The following PPA2 variants were observed in gnomAD, a reference collection of about 807,000 sequenced individuals.
The protein encoded by PPA2 is inorganic pyrophosphatase 2, also known as inorganic pyrophosphatase 2, mitochondrial.
PPA2 carries 48 observed loss-of-function variants against 49.5 expected under a neutral mutation model. The ratio of observed to expected loss-of-function variants is 0.97; its 90% CI spans 0.77 to 1.23. The LOEUF is 1.23. Ranked by LOEUF, PPA2 falls within the 50% of genes most tolerant of loss-of-function variation. The probability of loss-of-function intolerance (pLI) is 0.00; values close to 1 mark genes in which losing one functional copy is unlikely to be tolerated. For synonymous variants in PPA2, 131 were observed against 139.9 expected (o/e 0.94, Z 0.45); for missense variants, 429 against 410.1 (o/e 1.05, Z -0.40).
intron 8 of PPA2, among the ~76,000 whole-genome samples, chr4:105,397,179 A>G (rs992889939): frequency 4.6e-5 from 7 of 152,152 alleles, no homozygotes. Context: ...TTCTTCTTCA[A>G]TGATAACTAA....
intron 7 of PPA2, among the ~76,000 whole-genome samples, chr4:105,419,333 G>T (rs1723150572): frequency 6.6e-6 from 1 of 152,106 alleles, no homozygotes; most frequent in Non-Finnish European, 1.5e-5. Flanking sequence ...ACAGGCCCCG[G>T]TGTGTGATGT....
At chr4:105,468,670 T>C (rs1469548238) in intron 1 of PPA2, among the ~76,000 whole-genome samples, 1 of 152,182 alleles carries the variant, frequency 6.6e-6, no homozygotes, top group Non-Finnish European at 1.5e-5. Flanking sequence ...GGTAGGAGGC[T>C]GGCTGTTATG....
At chr4:105,437,045 G>GA (rs924839793) in intron 6 of PPA2, among the ~76,000 whole-genome samples, 2 of 151,976 alleles carry the variant, frequency 1.3e-5, no homozygotes, top group African/African-American at 4.8e-5. Flanking sequence ...CAGAATGGGA[G>GA]AAAAAATCTG....
chr4:105,468,961 C>T (rs775124967), intron 1 of PPA2, among the ~76,000 whole-genome samples: 7 of 152,208 alleles, frequency 4.6e-5, no homozygotes, highest in Admixed American at 6.5e-5. Context: ...CCCTAAACTA[C>T]GTCCCCTGAA....
At chr4:105,414,078 A>G (rs947574881) in intron 7 of PPA2, among the ~76,000 whole-genome samples, 34 of 152,142 alleles carry the variant, frequency 2.2e-4, no homozygotes, top group African/African-American at 7.0e-4. Context: ...CAAATAAGCC[A>G]ATAGAAATAC....
chr4:105,380,758 C>A (rs998998523), intron 10 of PPA2, among the ~76,000 whole-genome samples: 3 of 151,980 alleles, frequency 2.0e-5, no homozygotes, highest in Admixed American at 2.0e-4. Flanking sequence ...AAAAATATGT[C>A]TATTGCTTTT....
intron 10 of PPA2, among the ~76,000 whole-genome samples, chr4:105,373,153 TA>T (rs1170314756): frequency 6.6e-6 from 1 of 152,210 alleles, no homozygotes; most frequent in African/African-American, 2.4e-5. Context: ...TTACAATTTT[TA>T]AAAACATCCT....
chr4:105,467,986 C>T (rs1444014112), intron 1 of PPA2, among the ~76,000 whole-genome samples: 5 of 152,146 alleles, frequency 3.3e-5, no homozygotes, highest in Non-Finnish European at 7.3e-5. Flanking sequence ...TCATAAACAG[C>T]GTCTAACACT....
intron 7 of PPA2, among the ~76,000 whole-genome samples, chr4:105,400,514 T>C (rs1050855578): frequency 4.6e-5 from 7 of 152,136 alleles, no homozygotes; most frequent in Non-Finnish European, 1.0e-4. Flanking sequence ...TTGCCTATAG[T>C]CCAAGCTACT....
At chr4:105,460,490 A>G (rs1250579770) in intron 1 of PPA2, among the ~76,000 whole-genome samples, 2 of 152,242 alleles carry the variant, frequency 1.3e-5, no homozygotes, top group Non-Finnish European at 2.9e-5. Context: ...TAATGTATAA[A>G]TGGAAGCTCT....
chr4:105,438,005 C>A lies in PPA2; in HGVS notation c.473G>T (p.Ser158Ile). The change falls in exon 6 of 12, where the codon AGC becomes ATC. Residue 158 changes from serine (S) to isoleucine (I), a missense_variant. Physicochemically the swap from Ser to Ile is moderately radical, Grantham distance 142 (BLOSUM62 -2). Transcript: ENST00000341695. ...ATCATTATCTCCAAAGCAGTTCGTG[C>A]TCTTATCTTTTTCATGGGGATCTTC... ...TWEDPHEKDK[S>I]TNCFGDNDPI... The A allele has an allele frequency of 6.2e-7, 1 of 1,606,490 alleles. No homozygotes were observed. The highest frequency in any genetic ancestry group is 1.1e-5 in the South Asian group (1 of 88,830).
In PPA2 at chr4:105,392,498, C is replaced by A. The variant is rs180935736; in HGVS notation, c.869+3751G>T. On this transcript the variant is annotated intron_variant, in intron 9 of 11. Coordinates refer to ENST00000341695, the MANE Select transcript of PPA2 (RefSeq NM_176869.3). ...GACCAGCCTGGCCAACATGGTGAAA[C>A]CTCGTCTCTACTAAAAATACAAAAA... 1.9e-4 allele frequency among the ~76,000 whole-genome samples: 29 copies of A among 152,006 alleles called. No homozygotes were observed. The East Asian group carries it at 5.6e-3, about 29-fold the overall frequency.
At chr4:105,384,606 A>T (rs1490606) in intron 10 of PPA2, among the ~76,000 whole-genome samples, 89,082 of 152,056 alleles carry the variant, frequency 0.59, 26,282 homozygotes, top group East Asian at 0.68. Context: ...AAAGTTTTTG[A>T]TTTCCTTCAT....
intron 7 of PPA2, among the ~76,000 whole-genome samples, chr4:105,400,994 A>G (rs1368737260): frequency 6.6e-6 from 1 of 152,018 alleles, no homozygotes. Context: ...ACAAAACAAA[A>G]AAATTACAGT....
chr4:105,408,156 A>G (rs1480501390), intron 7 of PPA2, among the ~76,000 whole-genome samples: 2 of 152,084 alleles, frequency 1.3e-5, no homozygotes, highest in South Asian at 2.1e-4. Flanking sequence ...GGGAGTGAAA[A>G]AAGTGGCAAT....
intron 2 of PPA2, among the ~76,000 whole-genome samples, chr4:105,455,813 C>G (rs549764101): frequency 6.6e-6 from 1 of 152,294 alleles, no homozygotes; most frequent in South Asian, 2.1e-4. Context: ...GCCTCTGCCC[C>G]TATATTGATC....
chr4:105,433,850 G>T (rs759705155), intron 6 of PPA2, among the ~76,000 whole-genome samples: 9 of 152,184 alleles, frequency 5.9e-5, no homozygotes, highest in Admixed American at 2.0e-4. Flanking sequence ...TAAAGATATG[G>T]ATGATATTTG....
At chr4:105,472,825 T>C (rs1249859786) in intron 1 of PPA2, among the ~76,000 whole-genome samples, 1 of 152,206 alleles carries the variant, frequency 6.6e-6, no homozygotes, top group Admixed American at 6.5e-5. Flanking sequence ...CTATAATGAT[T>C]ATCGGTATTA....
At chr4:105,402,557 G>C (rs1483658596) in intron 7 of PPA2, among the ~76,000 whole-genome samples, 1 of 152,152 alleles carries the variant, frequency 6.6e-6, no homozygotes, top group African/African-American at 2.4e-5. Context: ...AAGTCCCATG[G>C]CTAGAGCACA....
Sources: gnomAD v4.1 joint callset for allele counts (sites outside exome capture counted in the v4.1 genomes callset) on GRCh38, gnomAD v4.1.1 for gene constraint, MANE v1.5 for transcripts, NCBI Gene and HGNC (gene_info 2026-07-23, HGNC 2026-07-21) for gene names.